The following HERC4 variants were observed in gnomAD, a reference collection of about 807,000 sequenced individuals.
The protein encoded by HERC4 is HECT and RLD domain containing E3 ubiquitin protein ligase 4.
HERC4 carries 28 observed loss-of-function variants against 124.3 expected under a neutral mutation model. The ratio of observed to expected loss-of-function variants is 0.23; its 90% CI spans 0.17 to 0.31. The LOEUF (loss-of-function observed/expected upper bound fraction) is 0.31. Among genes scored for constraint, HERC4 ranks in the 10% least tolerant of loss-of-function variants. The pLI is 1.00. For missense variants in HERC4, 713 were observed against 1,229.3 expected (o/e 0.58, Z 6.28); for synonymous variants, 407 against 421.5 (o/e 0.97, Z 0.42).
At chr10:67,944,579 A>G (rs2033176496) in intron 19 of HERC4, among the ~76,000 whole-genome samples, 1 of 152,212 alleles carries the variant, frequency 6.6e-6, no homozygotes. Flanking sequence ...ACAACCACCC[A>G]GGAAAACATG....
At chr10:67,963,901 T>G (rs1246341662) in intron 16 of HERC4, among the ~76,000 whole-genome samples, 1 of 152,182 alleles carries the variant, frequency 6.6e-6, no homozygotes, top group Admixed American at 6.5e-5. Context: ...TCAGTTCAAG[T>G]CTTGCTGAGG....
intron 19 of HERC4, among the ~76,000 whole-genome samples, chr10:67,951,608 G>A (rs1267737161): frequency 6.6e-6 from 1 of 152,086 alleles, no homozygotes; most frequent in Admixed American, 6.6e-5. Context: ...GTCTCCTGAG[G>A]ACACCATTTC....
chr10:68,007,473 G>A (rs2037643074), intron 9 of HERC4, among the ~76,000 whole-genome samples: 2 of 152,178 alleles, frequency 1.3e-5, no homozygotes, highest in South Asian at 4.2e-4. Context: ...TTATTTCATT[G>A]GTTTGGTGAG....
chr10:68,050,310 GT>G (rs1404591052), intron 3 of HERC4, among the ~76,000 whole-genome samples: 1 of 152,190 alleles, frequency 6.6e-6, no homozygotes, highest in Non-Finnish European at 1.5e-5. Context: ...TTGCTTTGAT[GT>G]TTGAACCATG....
rs561091595 is a variant in HERC4, at chr10:68,042,474, T to C, written c.386+1930A>G. 2.6e-5 allele frequency among the ~76,000 whole-genome samples: 4 copies of C among 152,244 alleles called. No individual in the cohort carries two copies. In the South Asian group the frequency reaches 6.2e-4, roughly 24 times the overall value. ...CTCTGTCTCTACAAAAAATACAAAA[T>C]TGGCCAAGCATAGTGGTGCACGCCT... On this transcript the variant is annotated intron_variant, in intron 4 of 24. Coordinates refer to ENST00000373700, the MANE Select transcript of HERC4 (RefSeq NM_015601.4).
At chr10:68,014,000 G>A in intron 9 of HERC4, 26 bp downstream of exon 9, 2 of 1,520,794 alleles carry the variant, frequency 1.3e-6, no homozygotes, top group Non-Finnish European at 8.9e-7. Context: ...ATATATGAAG[G>A]AAAGCTTTAA....
intron 6 of HERC4, 90 bp downstream of exon 6, chr10:68,033,875 A>C: frequency 9.4e-7 from 1 of 1,067,936 alleles, no homozygotes; most frequent in East Asian, 2.5e-5. Context: ...GGGAAGATAC[A>C]TTTCTCTCTT....
At chr10:68,053,709 A>G (rs1777077369) in intron 3 of HERC4, among the ~76,000 whole-genome samples, 1 of 152,222 alleles carries the variant, frequency 6.6e-6, no homozygotes, top group African/African-American at 2.4e-5. Flanking sequence ...ACAAAAAGGC[A>G]GAGCACTGCC....
chr10:67,927,419 TATATATA>T (rs1564911188), intron 23 of HERC4, among the ~76,000 whole-genome samples: 220 of 12,256 alleles, frequency 0.018, 18 homozygotes, highest in East Asian at 0.084. Context: ...TATATATATA[TATATATA>T]TATATTTTTT....
chr10:68,048,462 C>G (rs755524349), intron 3 of HERC4, among the ~76,000 whole-genome samples: 35 of 152,138 alleles, frequency 2.3e-4, no homozygotes, highest in Admixed American at 4.6e-4. Flanking sequence ...GAAAAGACAA[C>G]GATGGAGACA....
At chr10:68,053,111 T>C (rs1023364760) in intron 3 of HERC4, among the ~76,000 whole-genome samples, 1 of 152,184 alleles carries the variant, frequency 6.6e-6, no homozygotes, top group Non-Finnish European at 1.5e-5. Context: ...ATTCTCACTA[T>C]CTGCAGTAGT....
intron 5 of HERC4, among the ~76,000 whole-genome samples, chr10:68,035,944 T>C (rs1001198779): frequency 6.6e-6 from 1 of 152,208 alleles, no homozygotes; most frequent in Non-Finnish European, 1.5e-5. Flanking sequence ...TGAATGACTA[T>C]ATCACGAAGG....
At chr10:68,025,826 A>C (rs1412262721) in intron 7 of HERC4, 150 bp from the exon 8 acceptor site, 1 of 656,128 alleles carries the variant, frequency 1.5e-6, no homozygotes, top group Non-Finnish European at 2.4e-6. Context: ...TGGCTCTTTC[A>C]AAGTAAAATG....
chr10:67,934,874 A>G (rs2032189393), intron 22 of HERC4, among the ~76,000 whole-genome samples: 1 of 146,962 alleles, frequency 6.8e-6, no homozygotes, highest in Non-Finnish European at 1.5e-5. Context: ...CGTGCTTTCA[A>G]TCTTGAAAAG....
chr10:67,926,048 A>G lies in HERC4; in HGVS notation c.2839-861T>C, dbSNP rs542957699. On this transcript the variant is annotated intron_variant, in intron 23 of 24. Coordinates refer to ENST00000373700, the MANE Select transcript of HERC4 (RefSeq NM_015601.4). ...GAGTTTCATTGTTATTTTGAAGCCA[A>G]TAAGTTTTGGGGTAATTTGCTGCAA... 9.1e-4 allele frequency among the ~76,000 whole-genome samples: 139 copies of G among 152,338 alleles called. 1 individual carries two copies. Among genetic ancestry groups the G allele is most frequent in the Non-Finnish European group, 1.7e-3 (114 of 68,032 alleles).
chr10:68,061,532 CAAAAAAAAAA>C lies in HERC4; in HGVS notation c.226+11341_226+11350del, dbSNP rs59169970. ...TGGGCGACAGAGCAAGACTCCGTCT[CAAAAAAAAAA>C]AAAAAAAAAAAAAAAAAAGGAATAG... On this transcript the variant is annotated intron_variant, in intron 3 of 24. Coordinates refer to ENST00000373700, the MANE Select transcript of HERC4 (RefSeq NM_015601.4). 1.9e-3 allele frequency among the ~76,000 whole-genome samples: 26 copies of C among 13,990 alleles called. 1 individual carries two copies. The highest frequency in any genetic ancestry group is 9.4e-3 in the South Asian group (3 of 318). 9.2% of individuals were successfully genotyped at this position (13,990 alleles called of 152,430 possible).
chr10:67,990,907 CTGAGA>C lies in HERC4; in HGVS notation c.1435_1439del (p.Ser479AlafsTer5). 1 of 1,579,218 alleles carries C rather than the reference CTGAGA, an allele frequency of 6.3e-7. No homozygotes were observed. Among genetic ancestry groups the C allele is most frequent in the Non-Finnish European group, 8.6e-7 (1 of 1,156,106 alleles). On this transcript the variant is annotated frameshift_variant, in exon 13 of 25. Coordinates refer to ENST00000373700, the MANE Select transcript of HERC4 (RefSeq NM_015601.4). LOFTEE classifies it high-confidence loss of function. ...ACATAATACTTTAAAAACAGACCTG[CTGAGA>C]TATCTGCGGATGATCAGGTTGTATA...
At position 67,966,845 on chromosome 10, in the gene HERC4, C is replaced by A. The variant is rs749320647; in HGVS notation, c.1807-43G>T. 4 of 1,447,794 alleles carry A rather than the reference C, an allele frequency of 2.8e-6. No homozygotes were observed. In the South Asian group the frequency reaches 5.5e-5, roughly 20 times the overall value. 89.7% of individuals were successfully genotyped at this position (1,447,794 alleles called of 1,614,324 possible). A position where few individuals can be genotyped will look rare whatever the true frequency, so the allele number is the denominator to read the frequency against. ...ATTGACATTAAATTTAACCAGTACT[C>A]AAGACAGACAAATTTTTTTTATTTT... is the stretch of plus-strand genomic sequence containing the variant. On this transcript the variant is annotated intron_variant, in intron 15 of 24. Coordinates refer to ENST00000373700, the MANE Select transcript of HERC4 (RefSeq NM_015601.4).
At chr10:68,066,552 G>T (rs889233503) in intron 3 of HERC4, among the ~76,000 whole-genome samples, 1 of 152,118 alleles carries the variant, frequency 6.6e-6, no homozygotes. Context: ...TTCTGTGTAG[G>T]TTTTAAGAGT....
Sources: gnomAD v4.1 joint callset for allele counts (sites outside exome capture counted in the v4.1 genomes callset) on GRCh38, gnomAD v4.1.1 for gene constraint, MANE v1.5 for transcripts, NCBI Gene and HGNC (gene_info 2026-07-23, HGNC 2026-07-21) for gene names.